The following AFAP1 variants were observed in gnomAD, a reference collection of about 807,000 sequenced individuals.
AFAP1 encodes the protein actin filament-associated protein 1.
In AFAP1, 75 loss-of-function variants were observed where a neutral mutation model predicts 93.9. The observed-to-expected ratio is 0.80, with a 90% CI of 0.66 to 0.97. The LOEUF (loss-of-function observed/expected upper bound fraction) is 0.97, where lower values mean the gene tolerates loss of function less well. Ranked by LOEUF, AFAP1 falls within the 50% of genes least tolerant of loss-of-function variation. The pLI is 0.00. For synonymous variants in AFAP1, 517 were observed against 430.7 expected, an observed-to-expected ratio of 1.20 and a Z score of -2.48; for missense variants, 1,201 against 1,050.8, an observed-to-expected ratio of 1.14 and a Z score of -1.98.
Position 7,759,296 on chromosome 4 carries a change from C to G in AFAP1, c.*4469G>C, listed in dbSNP as rs1368438227. 6.6e-6 allele frequency: 1 copy of G among 152,612 alleles called. No homozygotes were observed. The highest frequency in any genetic ancestry group is 1.5e-5 in the Non-Finnish European group (1 of 68,042). The allele number at this position is 152,612 out of a possible 1,614,324, so 9.5% of individuals were successfully genotyped here. A position where few individuals can be genotyped will look rare whatever the true frequency, so the allele number is the denominator to read the frequency against. ...CTAAAAAGACCCGGTAACACTTGTG[C>G]ACGGTGAAGTTGAGATTTTCTGGAA... On this transcript the variant is annotated 3_prime_UTR_variant, in exon 18 of 18. Transcript: ENST00000420658.
chr4:7,842,301 C>CAAAAAAAAAAAA (rs57050150), intron 5 of AFAP1, among the ~76,000 whole-genome samples: 23 of 94,898 alleles, frequency 2.4e-4, no homozygotes, highest in African/African-American at 4.5e-4. Flanking sequence ...CCTGGATTTA[C>CAAAAAAAAAAAA]AAAAAAAAAA....
In AFAP1 at chr4:7,843,247, G is replaced by A; in HGVS notation, c.438C>T (p.Ala146=). The part of the protein sequence containing the change: ...KTRHQWPSEE[A]SMDLVKDAKI... ...TGGCGTCCTTGACCAGGTCCATGGAGGCCTCCTCGGAGGGCCACTGGTGCC... is the reference window on the plus strand; with the variant it reads ...TGGCGTCCTTGACCAGGTCCATGGAAGCCTCCTCGGAGGGCCACTGGTGCC... The change falls in exon 5 of 18, where the codon GCC becomes GCT. Residue 146 remains alanine (A), a synonymous_variant. Transcript: ENST00000420658. 4.3e-6 allele frequency: 7 copies of A among 1,614,154 alleles called. No individual in the cohort carries two copies. Among genetic ancestry groups the A allele is most frequent in the Non-Finnish European group, 5.9e-6 (7 of 1,180,036 alleles).
In AFAP1 at chr4:7,763,684, C is replaced by T. The variant is rs1714124971; in HGVS notation, c.*81G>A. ...GTCGTGCAGCTGAGGCCACTCTGGGCAGAGCTTCCTGCCGTCACACAGATG... is the reference window on the plus strand; with the variant it reads ...GTCGTGCAGCTGAGGCCACTCTGGGTAGAGCTTCCTGCCGTCACACAGATG... On this transcript the variant is annotated 3_prime_UTR_variant, in exon 18 of 18. Coordinates refer to ENST00000420658, the MANE Select transcript of AFAP1 (RefSeq NM_001134647.2). 4 of 1,532,368 alleles carry T rather than the reference C, an allele frequency of 2.6e-6. No individual in the cohort carries two copies. In the South Asian group the frequency reaches 4.8e-5, roughly 18 times the overall value. The allele number at this position is 1,532,368 out of a possible 1,614,324, so 94.9% of individuals were successfully genotyped here. A position where few individuals can be genotyped will look rare whatever the true frequency, so the allele number is the denominator to read the frequency against.
At chr4:7,868,833 C>T (rs954546261) in intron 2 of AFAP1, 114 bp from the exon 3 acceptor site, 3 of 906,778 alleles carry the variant, frequency 3.3e-6, no homozygotes, top group Non-Finnish European at 5.1e-6. Context: ...TATTTATTTT[C>T]TCTAATCCTT....
At chr4:7,823,804 G>C (rs1286513337) in intron 6 of AFAP1, among the ~76,000 whole-genome samples, 1 of 152,176 alleles carries the variant, frequency 6.6e-6, no homozygotes, top group Non-Finnish European at 1.5e-5. Flanking sequence ...ATCTCCAACA[G>C]TGCTTGGGAG....
At chr4:7,771,853 G>A (rs186395798) in intron 16 of AFAP1, among the ~76,000 whole-genome samples, 5 of 152,260 alleles carry the variant, frequency 3.3e-5, no homozygotes, top group Admixed American at 3.3e-4. Flanking sequence ...ACAGGAGACT[G>A]GGGCAGGGAT....
chr4:7,769,221 G>A (rs1209623576), intron 16 of AFAP1, among the ~76,000 whole-genome samples: 1 of 152,198 alleles, frequency 6.6e-6, no homozygotes, highest in Non-Finnish European at 1.5e-5. Context: ...ACGGGCAGGT[G>A]GAGGCTCCAA....
chr4:7,793,940 A>G lies in AFAP1; in HGVS notation c.1267-114T>C, dbSNP rs1057262398. On this transcript the variant is annotated intron_variant, in intron 10 of 17. Coordinates refer to ENST00000420658, the MANE Select transcript of AFAP1 (RefSeq NM_001134647.2). ...AAAGGCGATGAAACATGATGTCCCT[A>G]AGAAGAAACGAAAAGGAAGATGGCT... The G allele has an allele frequency of 3.3e-6, 4 of 1,214,504 alleles. No individual in the cohort carries two copies. The East Asian group carries it at 1.0e-4, about 30-fold the overall frequency. 75.2% of individuals were successfully genotyped at this position (1,214,504 alleles called of 1,614,324 possible). A position where few individuals can be genotyped will look rare whatever the true frequency, so the allele number is the denominator to read the frequency against.
chr4:7,868,565 C>A, intron 3 of AFAP1, 57 bp downstream of exon 3: 10 of 1,521,100 alleles, frequency 6.6e-6, no homozygotes, highest in Non-Finnish European at 8.9e-6. Flanking sequence ...CCCTGGAGCC[C>A]GTAAGTACCC....
chr4:7,867,123 T>TAGAGGGGAGGGGAGGGG (rs1716506351), intron 3 of AFAP1, among the ~76,000 whole-genome samples: 1 of 60,370 alleles, frequency 1.7e-5, no homozygotes, highest in Non-Finnish European at 2.9e-5. Context: ...GAGGGGAGGG[T>TAGAGGGGAGGGGAGGGG]AGGGGAGCGG....
At chr4:7,819,278 A>G in intron 6 of AFAP1, 107 bp from the exon 7 acceptor site, 1 of 987,324 alleles carries the variant, frequency 1.0e-6, no homozygotes, top group Non-Finnish European at 1.4e-6. Flanking sequence ...AGGGAAATTC[A>G]TGGGCTCAAA....
chr4:7,865,832 C>A (rs1040404379), intron 3 of AFAP1, among the ~76,000 whole-genome samples: 2 of 152,216 alleles, frequency 1.3e-5, no homozygotes, highest in Admixed American at 6.5e-5. Flanking sequence ...CCATGACAGT[C>A]ACAGGACCAC....
intron 1 of AFAP1, among the ~76,000 whole-genome samples, chr4:7,874,324 T>C (rs1717326069): frequency 6.6e-6 from 1 of 150,794 alleles, no homozygotes; most frequent in South Asian, 2.1e-4. Context: ...ACTTCCCAAC[T>C]ACCTATCTGT....
Position 7,898,416 on chromosome 4 carries a change from G to T in AFAP1, c.-2-26336C>A, listed in dbSNP as rs547017705. Among the ~76,000 whole-genome samples the T allele has an allele frequency of 3.1e-3, 460 of 148,252 alleles. 2 individuals carry two copies. Among genetic ancestry groups the T allele is most frequent in the African/African-American group, 0.011 (448 of 40,352 alleles). On this transcript the variant is annotated intron_variant, in intron 1 of 17. Transcript: ENST00000420658. ...AGAGTGAAACTCCATCTCAGAAGGG[G>T]AAAAAAAAAGCCTCCCAACCCACCT...
intron 3 of AFAP1, among the ~76,000 whole-genome samples, chr4:7,858,279 C>T (rs28542303): frequency 0.38 from 57,933 of 152,066 alleles, 12,159 homozygotes; most frequent in East Asian, 0.64. Context: ...TCTCTTTCTA[C>T]ATGCAATCTG....
intron 1 of AFAP1, among the ~76,000 whole-genome samples, chr4:7,899,578 A>G (rs1718997372): frequency 6.6e-6 from 1 of 152,228 alleles, no homozygotes; most frequent in Non-Finnish European, 1.5e-5. Context: ...CTCATTCATT[A>G]TCAATGGCAT....
At chr4:7,906,372 A>G (rs549229307) in intron 1 of AFAP1, among the ~76,000 whole-genome samples, 1 of 152,360 alleles carries the variant, frequency 6.6e-6, no homozygotes, top group East Asian at 1.9e-4. Context: ...TGAATTACGA[A>G]GCAAAAAACA....
chr4:7,825,456 A>G (rs932974257), intron 6 of AFAP1, among the ~76,000 whole-genome samples: 1 of 152,262 alleles, frequency 6.6e-6, no homozygotes, highest in African/African-American at 2.4e-5. Flanking sequence ...AAAGACATCA[A>G]CTATTTGGAA....
intron 14 of AFAP1, chr4:7,775,201 C>T: frequency 3.4e-6 from 1 of 292,832 alleles, no homozygotes; most frequent in Non-Finnish European, 6.3e-6. Context: ...TTGAATCAGC[C>T]AACTCAGTAA....
Sources: allele counts gnomAD v4.1 joint callset (sites outside exome capture counted in the v4.1 genomes callset), GRCh38; gene constraint gnomAD v4.1.1; transcripts MANE v1.5; gene names NCBI Gene and HGNC (gene_info 2026-07-23, HGNC 2026-07-21).